Variants in GNA12 observed in about 807,000 individuals in gnomAD.
GNA12 encodes the protein G protein subunit alpha 12.
A neutral mutation model predicts 26.0 loss-of-function variants in GNA12; 9 were observed. The ratio of observed to expected loss-of-function variants is 0.35; its 90% CI spans 0.21 to 0.60. The LOEUF (loss-of-function observed/expected upper bound fraction) is 0.60, where lower values mean the gene tolerates loss of function less well. Ranked by LOEUF, GNA12 falls within the 20% of genes least tolerant of loss-of-function variation. The probability of loss-of-function intolerance (pLI) is 0.78; values close to 1 mark genes in which losing one functional copy is unlikely to be tolerated. For synonymous variants in GNA12, 264 were observed against 219.6 expected (o/e 1.20, Z -1.79); for missense variants, 405 against 525.8 (o/e 0.77, Z 2.25).
chr7:2,820,796 G>C (rs1793332419), intron 1 of GNA12, among the ~76,000 whole-genome samples: 1 of 152,176 alleles, frequency 6.6e-6, no homozygotes, highest in African/African-American at 2.4e-5. Context: ...GGAATGCAGT[G>C]GTGCAATCAC....
chr7:2,829,933 G>C lies in GNA12; in HGVS notation c.309+13920C>G, dbSNP rs572932878. Among the ~76,000 whole-genome samples, 7 of 152,292 alleles carry C rather than the reference G, an allele frequency of 4.6e-5. No homozygotes were observed. The South Asian group carries it at 1.0e-3, about 23-fold the overall frequency. On this transcript the variant is annotated intron_variant, in intron 1 of 3. Coordinates refer to ENST00000275364, the MANE Select transcript of GNA12 (RefSeq NM_007353.3). ...GAGGAAAGGGAGATGATGAGAGCTG[G>C]GAACTTGTCTGGGGCTAGTGGATTT...
At chr7:2,814,999 G>C (rs1793183363) in intron 1 of GNA12, 2 of 1,541,210 alleles carry the variant, frequency 1.3e-6, no homozygotes, top group East Asian at 2.4e-5. Context: ...CTGTATCCAG[G>C]TCTAATCTCG....
At position 2,833,080 on chromosome 7, in the gene GNA12, C is replaced by T. The variant is rs1394713221; in HGVS notation, c.309+10773G>A. Among the ~76,000 whole-genome samples, 9 of 152,216 alleles carry T rather than the reference C, an allele frequency of 5.9e-5. 1 individual carries two copies. In the South Asian group the frequency reaches 1.2e-3, roughly 21 times the overall value. On this transcript the variant is annotated intron_variant, in intron 1 of 3. Transcript: ENST00000275364. ...ACGGTCAGCAACAAATATTCACATT[C>T]GGCTTTTAGGATTAAAAGGCAATCC... is the stretch of plus-strand genomic sequence containing the variant.
At position 2,731,077 on chromosome 7, in the gene GNA12, A is replaced by C. The variant is rs1583201837; in HGVS notation, c.*104T>G. ...CTGAGCCAGGTATTCCAGGGCACGGATCCGAGAAACCCACTCAAGGACCAC... is the reference window on the plus strand; with the variant it reads ...CTGAGCCAGGTATTCCAGGGCACGGCTCCGAGAAACCCACTCAAGGACCAC... On this transcript the variant is annotated 3_prime_UTR_variant, in exon 4 of 4. Transcript: ENST00000275364. This position sits in a 1 kb window ranked among gnomAD's most constrained non-coding sequence, Gnocchi z 6.0. The C allele has an allele frequency of 2.7e-6, 2 of 739,668 alleles. No individual in the cohort carries two copies. Among genetic ancestry groups the C allele is most frequent in the Non-Finnish European group, 4.5e-6 (2 of 447,698 alleles). The allele number at this position is 739,668 out of a possible 1,614,324, so 45.8% of individuals were successfully genotyped here.
At chr7:2,805,207 G>T (rs1175467388) in intron 1 of GNA12, among the ~76,000 whole-genome samples, 1 of 152,196 alleles carries the variant, frequency 6.6e-6, no homozygotes, top group African/African-American at 2.4e-5. Flanking sequence ...CTTCAGAGAG[G>T]CCATAACAAT....
intron 2 of GNA12, among the ~76,000 whole-genome samples, chr7:2,740,315 G>A (rs1003690048): frequency 1.8e-4 from 28 of 152,150 alleles, no homozygotes; most frequent in Non-Finnish European, 4.0e-4. Context: ...GGGACTTTGG[G>A]AGGTGACTGA....
chr7:2,737,263 AGTTTTGTTTTG>A (rs1562394736), intron 2 of GNA12, among the ~76,000 whole-genome samples: 13 of 79,576 alleles, frequency 1.6e-4, no homozygotes, highest in South Asian at 4.3e-4. Context: ...GCTATCTCAC[AGTTTTGTTTTG>A]TTTTTTTTTT....
chr7:2,831,426 T>A (rs902905117), intron 1 of GNA12, among the ~76,000 whole-genome samples: 1 of 136,644 alleles, frequency 7.3e-6, no homozygotes, highest in Non-Finnish European at 1.6e-5. Context: ...TTTTTTGAGA[T>A]GGAGTCTCAC....
rs762139924 is a variant in GNA12 at position 2,814,841 on chromosome 7, G to C, written c.310-19698C>G. ...CCCTTCCTGTGCTCCCGACAGCACCGGGTGTGCACTGCTCCCCTCCACAGC... is the reference window on the plus strand; with the variant it reads ...CCCTTCCTGTGCTCCCGACAGCACCCGGTGTGCACTGCTCCCCTCCACAGC... On this transcript the variant is annotated intron_variant, in intron 1 of 3. Transcript: ENST00000275364. The C allele has an allele frequency of 4.4e-6, 7 of 1,586,980 alleles. No homozygotes were observed. The African/African-American group carries it at 9.5e-5, about 21-fold the overall frequency.
intron 1 of GNA12, among the ~76,000 whole-genome samples, chr7:2,812,772 G>A (rs1048970962): frequency 2.7e-5 from 4 of 149,830 alleles, no homozygotes; most frequent in African/African-American, 7.3e-5. Flanking sequence ...AGGCACAGAC[G>A]TTACATTTAT....
chr7:2,800,359 G>T (rs1792779492), intron 1 of GNA12, among the ~76,000 whole-genome samples: 1 of 152,186 alleles, frequency 6.6e-6, no homozygotes, highest in Non-Finnish European at 1.5e-5. Flanking sequence ...ACTAGAAAGG[G>T]GCAACACGAG....
chr7:2,821,596 G>A (rs1219057088), intron 1 of GNA12, among the ~76,000 whole-genome samples: 1 of 152,168 alleles, frequency 6.6e-6, no homozygotes, highest in Non-Finnish European at 1.5e-5. Flanking sequence ...CACCCCAAAC[G>A]GTGTGCCCTA....
At chr7:2,798,865 G>A (rs1792740822) in intron 1 of GNA12, among the ~76,000 whole-genome samples, 1 of 148,650 alleles carries the variant, frequency 6.7e-6, no homozygotes, top group South Asian at 2.2e-4. Flanking sequence ...GGTAATTTTT[G>A]TAAAAGTGCA....
At chr7:2,739,385 A>G (rs957221342) in intron 2 of GNA12, among the ~76,000 whole-genome samples, 1 of 152,198 alleles carries the variant, frequency 6.6e-6, no homozygotes, top group African/African-American at 2.4e-5. Flanking sequence ...CACAGCATGC[A>G]GCCCTTTGTG....
At chr7:2,843,576 G>A (rs1438849176) in intron 1 of GNA12, among the ~76,000 whole-genome samples, 1 of 152,022 alleles carries the variant, frequency 6.6e-6, no homozygotes, top group Admixed American at 6.6e-5. Flanking sequence ...GAGCCTGGGA[G>A]GTCGAGGCTG....
intron 2 of GNA12, chr7:2,775,604 C>G (rs556211104): frequency 6.6e-6 from 1 of 152,178 alleles, no homozygotes; most frequent in African/African-American, 2.4e-5. Context: ...TGGGCATCTG[C>G]GAAACTTGGA....
At chr7:2,776,323 G>T (rs1037134120) in intron 2 of GNA12, among the ~76,000 whole-genome samples, 3 of 152,228 alleles carry the variant, frequency 2.0e-5, no homozygotes, top group African/African-American at 7.2e-5. Context: ...GAGTGCTATA[G>T]AAAGAACAGA....
chr7:2,771,390 T>C (rs1791945507), intron 2 of GNA12, among the ~76,000 whole-genome samples: 1 of 152,170 alleles, frequency 6.6e-6, no homozygotes, highest in African/African-American at 2.4e-5. Context: ...GGGACCATCA[T>C]AACAGCCAAG....
At chr7:2,814,202 A>C in intron 1 of GNA12, 1 of 682,488 alleles carries the variant, frequency 1.5e-6, no homozygotes, top group Admixed American at 2.4e-5. Flanking sequence ...ATTCTCCATC[A>C]TAAATCTCCT....
Sources: allele counts gnomAD v4.1 joint callset (sites outside exome capture counted in the v4.1 genomes callset), GRCh38; gene constraint gnomAD v4.1.1; non-coding constraint Gnocchi (gnomAD v3.1); transcripts MANE v1.5; gene names NCBI Gene and HGNC (gene_info 2026-07-23, HGNC 2026-07-21).